Variants in CFAP61 observed in about 807,000 individuals in gnomAD.
CFAP61 encodes cilia and flagella associated protein 61, also known as cilia- and flagella-associated protein 61.
A neutral mutation model predicts 135.6 loss-of-function variants in CFAP61; 107 were observed. That is an observed-to-expected ratio of 0.79 (90% CI 0.67 to 0.93). The LOEUF (loss-of-function observed/expected upper bound fraction) is 0.93. CFAP61 is among the 40% of genes least tolerant of loss of function. The pLI is 0.00. For missense variants in CFAP61, 1,507 were observed against 1,556.2 expected, an observed-to-expected ratio of 0.97 and a Z score of 0.53; for synonymous variants, 575 against 578.5, an observed-to-expected ratio of 0.99 and a Z score of 0.09.
chr20:20,305,887 C>G (rs1174993347), intron 25 of CFAP61, among the ~76,000 whole-genome samples: 1 of 152,148 alleles, frequency 6.6e-6, no homozygotes, highest in Non-Finnish European at 1.5e-5. Flanking sequence ...AGATCCTTAC[C>G]TAGAGATGTT....
intron 9 of CFAP61, among the ~76,000 whole-genome samples, chr20:20,143,272 C>G (rs1332988047): frequency 6.6e-6 from 1 of 152,178 alleles, no homozygotes; most frequent in Non-Finnish European, 1.5e-5. Flanking sequence ...TACAGGCTTT[C>G]TGAAGAGACT....
intron 22 of CFAP61, among the ~76,000 whole-genome samples, chr20:20,287,741 C>CAG (rs2054695435): frequency 6.6e-6 from 1 of 152,182 alleles, no homozygotes; most frequent in African/African-American, 2.4e-5. Flanking sequence ...AATAAAGTGG[C>CAG]AGACTATTTT....
rs1326683531 is a variant in CFAP61, at chr20:20,142,897, A to T, written c.900A>T (p.Ile300=). ...LRSSSQGSQK[I]VEELQEPVSP... ...GTAGCAGCCAAGGTTCCCAAAAAAT[A>T]GTCGAGGAGTTGCAGGAACCTGTCT... The change falls in exon 9 of 27, where the codon ATA becomes ATT. Residue 300 remains isoleucine, a synonymous_variant. Coordinates refer to ENST00000245957, the MANE Select transcript of CFAP61 (RefSeq NM_015585.4). 20 of 1,605,216 alleles carry T rather than the reference A, an allele frequency of 1.2e-5. No homozygotes were observed. Among genetic ancestry groups the T allele is most frequent in the Non-Finnish European group, 1.7e-5 (20 of 1,175,442 alleles).
chr20:20,230,016 T>G (rs1320067727), intron 18 of CFAP61, among the ~76,000 whole-genome samples: 1 of 150,174 alleles, frequency 6.7e-6, no homozygotes, highest in African/African-American at 2.4e-5. Context: ...AGCTGTGAAA[T>G]TATAGCAGTT....
chr20:20,072,808 A>G (rs1048908186), intron 3 of CFAP61, among the ~76,000 whole-genome samples: 3 of 152,186 alleles, frequency 2.0e-5, no homozygotes, highest in Non-Finnish European at 4.4e-5. Flanking sequence ...GGAAAAAAAG[A>G]GTGTAAAATA....
At chr20:20,098,518 A>G in intron 7 of CFAP61, 137 bp from the exon 8 acceptor site, 2 of 696,634 alleles carry the variant, frequency 2.9e-6, no homozygotes, top group South Asian at 4.8e-5. Context: ...GCTGGGGAGA[A>G]GAATTGCTTG....
chr20:20,334,329 C>G (rs2058099240), intron 25 of CFAP61, among the ~76,000 whole-genome samples: 1 of 152,082 alleles, frequency 6.6e-6, no homozygotes, highest in South Asian at 2.1e-4. Context: ...GTTTCGCCAT[C>G]TTGGCCAGGC....
At chr20:20,273,041 A>ATTTTTTTTTTTT (rs998055743) in intron 21 of CFAP61, among the ~76,000 whole-genome samples, 2 of 127,358 alleles carry the variant, frequency 1.6e-5, no homozygotes, top group Non-Finnish European at 1.6e-5. Flanking sequence ...GCCATGCTTA[A>ATTTTTTTTTTTT]TTTTTTTTTT....
At chr20:20,220,494 C>A (rs1441664592) in intron 17 of CFAP61, among the ~76,000 whole-genome samples, 1 of 151,978 alleles carries the variant, frequency 6.6e-6, no homozygotes, top group African/African-American at 2.4e-5. Flanking sequence ...GTACAGGTGG[C>A]AACATGGACT....
intron 17 of CFAP61, among the ~76,000 whole-genome samples, chr20:20,224,703 T>C (rs1366626483): frequency 6.6e-6 from 1 of 152,064 alleles, no homozygotes; most frequent in Non-Finnish European, 1.5e-5. Flanking sequence ...AAACAAATAA[T>C]AATAATAATC....
At position 20,075,531 on chromosome 20, in the gene CFAP61, C is replaced by G. The variant is rs201096460; in HGVS notation, c.482C>G (p.Pro161Arg). The G allele has an allele frequency of 2.5e-6, 4 of 1,613,992 alleles. No individual in the cohort carries two copies. The East Asian group carries it at 8.9e-5, about 36-fold the overall frequency. Residue 161 changes from proline (P) to arginine (R), a missense_variant, in exon 6 of 27, where the codon CCG (proline) becomes CGG (arginine). Transcript: ENST00000245957. ...ITVFDQVGNIPCLTYEEDFAV... is the reference protein window; with the variant it reads ...ITVFDQVGNIRCLTYEEDFAV... ...GTTTTTGACCAAGTGGGGAACATCCCGTGTCTGACGTATGAGGAAGACTTT... is the reference window on the plus strand; with the variant it reads ...GTTTTTGACCAAGTGGGGAACATCCGGTGTCTGACGTATGAGGAAGACTTT...
chr20:20,060,798 CAG>C (rs2044741899), intron 2 of CFAP61, among the ~76,000 whole-genome samples: 2 of 152,244 alleles, frequency 1.3e-5, no homozygotes, highest in Non-Finnish European at 2.9e-5. Context: ...TGCTCCTTCT[CAG>C]AACCCAGTGC....
chr20:20,346,777 G>A (rs2058649773), intron 26 of CFAP61, among the ~76,000 whole-genome samples: 1 of 152,118 alleles, frequency 6.6e-6, no homozygotes, highest in South Asian at 2.1e-4. Context: ...AATAAAAGCA[G>A]AATTGAAAGA....
chr20:20,329,511 C>T (rs1186347765), intron 25 of CFAP61, among the ~76,000 whole-genome samples: 1 of 152,182 alleles, frequency 6.6e-6, no homozygotes, highest in Non-Finnish European at 1.5e-5. Context: ...AGCAGGGCCC[C>T]TTTGCTTCCG....
chr20:20,342,806 G>C (rs1283399552), intron 26 of CFAP61, among the ~76,000 whole-genome samples: 1 of 152,124 alleles, frequency 6.6e-6, no homozygotes, highest in East Asian at 1.9e-4. Context: ...TTATCATCTT[G>C]ACTTTCCCAG....
chr20:20,216,794 A>T lies in CFAP61; in HGVS notation c.1933-11455A>T, dbSNP rs560409328. Among the ~76,000 whole-genome samples, 16 of 130,336 alleles carry T rather than the reference A, an allele frequency of 1.2e-4. No homozygotes were observed. In the South Asian group the frequency reaches 4.2e-3, roughly 34 times the overall value. 85.5% of individuals were successfully genotyped at this position (130,336 alleles called of 152,430 possible). On this transcript the variant is annotated intron_variant, in intron 17 of 26. Transcript: ENST00000245957. ...AAAAACAGTGGAAATTTTCTATACC[A>T]ATTTTTTTTTTTTCATGGGATGGGA...
intron 6 of CFAP61, 126 bp downstream of exon 6, chr20:20,075,741 C>A: frequency 1.1e-6 from 1 of 925,658 alleles, no homozygotes; most frequent in Non-Finnish European, 1.7e-6. Context: ...TACTCATAAG[C>A]ATTACTTCAT....
At chr20:20,109,451 G>C (rs947732639) in intron 8 of CFAP61, among the ~76,000 whole-genome samples, 67 of 152,244 alleles carry the variant, frequency 4.4e-4, no homozygotes, top group African/African-American at 1.4e-3. Flanking sequence ...TGATGCTCTT[G>C]GTTGTTCCAT....
At chr20:20,092,637 A>C (rs1339017051) in intron 7 of CFAP61, among the ~76,000 whole-genome samples, 1 of 152,128 alleles carries the variant, frequency 6.6e-6, no homozygotes, top group African/African-American at 2.4e-5. Flanking sequence ...ACAACAATAG[A>C]AAAATAATCC....
Sources: allele counts gnomAD v4.1 joint callset (sites outside exome capture counted in the v4.1 genomes callset), GRCh38; gene constraint gnomAD v4.1.1; transcripts MANE v1.5; gene names NCBI Gene and HGNC (gene_info 2026-07-23, HGNC 2026-07-21).